HS3ST2: variants seen among roughly 807,000 people sequenced by gnomAD.
HS3ST2 encodes heparan sulfate-glucosamine 3-sulfotransferase 2, also known as heparan sulfate glucosamine 3-O-sulfotransferase 2.
HS3ST2 carries 17 observed loss-of-function variants against 26.3 expected under a neutral mutation model. The ratio of observed to expected loss-of-function variants is 0.65; its 90% CI spans 0.44 to 0.97. The LOEUF is 0.97. Ranked by LOEUF, HS3ST2 falls within the 50% of genes least tolerant of loss-of-function variation. The pLI, the probability that HS3ST2 is intolerant of heterozygous loss-of-function variation, is 0.00. For synonymous variants in HS3ST2, 237 were observed against 219.2 expected (o/e 1.08, Z -0.72); for missense variants, 402 against 501.2 (o/e 0.80, Z 1.89).
At chr16:22,818,417 A>G (rs1033516926) in intron 1 of HS3ST2, among the ~76,000 whole-genome samples, 7 of 152,142 alleles carry the variant, frequency 4.6e-5, no homozygotes, top group Non-Finnish European at 8.8e-5. Context: ...TTGCCCTGGA[A>G]AATTCTATGA....
chr16:22,816,608 G>A (rs1440766575), intron 1 of HS3ST2, among the ~76,000 whole-genome samples: 1 of 152,202 alleles, frequency 6.6e-6, no homozygotes, highest in Admixed American at 6.5e-5. Context: ...AGGGTAGGGT[G>A]GCACAGAGTG....
At chr16:22,847,270 T>G (rs546794098) in intron 1 of HS3ST2, among the ~76,000 whole-genome samples, 2 of 152,302 alleles carry the variant, frequency 1.3e-5, no homozygotes, top group East Asian at 3.9e-4. Context: ...TTGCTAAGAA[T>G]GATGGCCGTC....
intron 1 of HS3ST2, among the ~76,000 whole-genome samples, chr16:22,885,831 A>G (rs1045656180): frequency 2.0e-5 from 3 of 152,120 alleles, no homozygotes; most frequent in Non-Finnish European, 4.4e-5. Flanking sequence ...GGTTCTGCAG[A>G]CAGTTACCCG....
At chr16:22,875,831 C>A (rs562512997) in intron 1 of HS3ST2, among the ~76,000 whole-genome samples, 2 of 152,270 alleles carry the variant, frequency 1.3e-5, no homozygotes, top group East Asian at 3.9e-4. Context: ...CCATTTTTAA[C>A]CTTTTATACC....
chr16:22,850,411 G>A (rs1000479431), intron 1 of HS3ST2, among the ~76,000 whole-genome samples: 10 of 152,152 alleles, frequency 6.6e-5, no homozygotes, highest in East Asian at 1.9e-4. Flanking sequence ...AACAAACAAC[G>A]CTAGAATTTA....
intron 1 of HS3ST2, among the ~76,000 whole-genome samples, chr16:22,881,037 G>C (rs1901983762): frequency 6.6e-6 from 1 of 152,226 alleles, no homozygotes; most frequent in African/African-American, 2.4e-5. Context: ...GTTTGAGAGA[G>C]TTTAAACTGA....
chr16:22,842,013 C>T (rs1478630064), intron 1 of HS3ST2, among the ~76,000 whole-genome samples: 7 of 148,970 alleles, frequency 4.7e-5, no homozygotes, highest in African/African-American at 7.4e-5. Flanking sequence ...GGTTGTTTTT[C>T]GCTGTATCTT....
At chr16:22,845,130 A>G (rs1901413440) in intron 1 of HS3ST2, among the ~76,000 whole-genome samples, 1 of 148,074 alleles carries the variant, frequency 6.8e-6, no homozygotes, top group South Asian at 2.1e-4. Context: ...TTGGGATTAC[A>G]GGCGTGAGCC....
chr16:22,866,720 T>C (rs892235125), intron 1 of HS3ST2, among the ~76,000 whole-genome samples: 1 of 151,994 alleles, frequency 6.6e-6, no homozygotes, highest in Non-Finnish European at 1.5e-5. Context: ...AGTATCACTG[T>C]GGTGATTGTG....
chr16:22,846,779 C>T (rs1901439119), intron 1 of HS3ST2, among the ~76,000 whole-genome samples: 1 of 151,946 alleles, frequency 6.6e-6, no homozygotes, highest in Non-Finnish European at 1.5e-5. Context: ...AACTCAAAGA[C>T]AGTCTCATAA....
At chr16:22,891,995 C>T (rs1902135943) in intron 1 of HS3ST2, among the ~76,000 whole-genome samples, 1 of 151,808 alleles carries the variant, frequency 6.6e-6, no homozygotes, top group South Asian at 2.1e-4. Context: ...TGCAAGTGGG[C>T]CGGGCGTGAT....
intron 1 of HS3ST2, among the ~76,000 whole-genome samples, chr16:22,849,368 T>C (rs1370382729): frequency 6.6e-6 from 1 of 152,198 alleles, no homozygotes; most frequent in African/African-American, 2.4e-5. Context: ...CTTACTAAAA[T>C]GTCTGCAATA....
intron 1 of HS3ST2, among the ~76,000 whole-genome samples, chr16:22,872,744 G>A (rs1901855215): frequency 6.6e-6 from 1 of 152,140 alleles, no homozygotes; most frequent in African/African-American, 2.4e-5. Context: ...CTGGACCTGA[G>A]AATACAAGAT....
chr16:22,845,019 TA>T (rs1901411331), intron 1 of HS3ST2, among the ~76,000 whole-genome samples: 1 of 150,550 alleles, frequency 6.6e-6, no homozygotes, highest in Non-Finnish European at 1.5e-5. Flanking sequence ...CATGCCTGGC[TA>T]ATTTTTTGTA....
chr16:22,831,735 C>T (rs955702820), intron 1 of HS3ST2, among the ~76,000 whole-genome samples: 3 of 152,118 alleles, frequency 2.0e-5, no homozygotes, highest in African/African-American at 7.2e-5. Context: ...CTTTCTATAA[C>T]ACTCTCAGAC....
chr16:22,869,403 G>A (rs1378334266), intron 1 of HS3ST2, among the ~76,000 whole-genome samples: 1 of 152,176 alleles, frequency 6.6e-6, no homozygotes, highest in East Asian at 1.9e-4. Flanking sequence ...TCCCTGATTT[G>A]AGATTATAGA....
intron 1 of HS3ST2, among the ~76,000 whole-genome samples, chr16:22,865,359 C>T (rs1415136472): frequency 1.3e-5 from 2 of 151,986 alleles, no homozygotes; most frequent in Admixed American, 1.3e-4. Context: ...TCGAGACCAG[C>T]CTGACCAACA....
chr16:22,845,266 C>G (rs1311023682), intron 1 of HS3ST2, among the ~76,000 whole-genome samples: 1 of 148,228 alleles, frequency 6.7e-6, no homozygotes, highest in Non-Finnish European at 1.5e-5. Context: ...CTGTAGACTA[C>G]TGTAGCATCA....
chr16:22,878,081 G>A (rs1596623277), intron 1 of HS3ST2, among the ~76,000 whole-genome samples: 1 of 152,174 alleles, frequency 6.6e-6, no homozygotes, highest in Non-Finnish European at 1.5e-5. Context: ...TCCAGGCTGT[G>A]CAAAGGAGAG....
Sources: gnomAD v4.1 joint callset for allele counts (sites outside exome capture counted in the v4.1 genomes callset) on GRCh38, gnomAD v4.1.1 for gene constraint, MANE v1.5 for transcripts, NCBI Gene and HGNC (gene_info 2026-07-23, HGNC 2026-07-21) for gene names.